Variants in AK5 observed in about 807,000 individuals in gnomAD.
The protein encoded by AK5 is adenylate kinase isoenzyme 5.
AK5 carries 27 observed loss-of-function variants against 69.5 expected under a neutral mutation model. The observed-to-expected ratio is 0.39, with a 90% CI of 0.29 to 0.54. The LOEUF is 0.54. AK5 is among the 20% of genes least tolerant of loss of function. The pLI is 0.71. For missense variants in AK5, 531 were observed against 700.4 expected, an observed-to-expected ratio of 0.76 and a Z score of 2.73; for synonymous variants, 260 against 244.4, an observed-to-expected ratio of 1.06 and a Z score of -0.60.
chr1:77,399,817 A>T (rs1479295978), intron 6 of AK5, among the ~76,000 whole-genome samples: 2 of 152,204 alleles, frequency 1.3e-5, no homozygotes, highest in African/African-American at 4.8e-5. Flanking sequence ...ATTTGCAAAG[A>T]GGTTTAGAAG....
intron 8 of AK5, among the ~76,000 whole-genome samples, chr1:77,458,818 C>T (rs888291776): frequency 6.6e-6 from 1 of 152,192 alleles, no homozygotes; most frequent in Non-Finnish European, 1.5e-5. Flanking sequence ...GTAACATATT[C>T]ACAGCTTCTG....
chr1:77,543,962 T>A (rs1460877877), intron 13 of AK5, among the ~76,000 whole-genome samples: 3 of 152,064 alleles, frequency 2.0e-5, no homozygotes, highest in Non-Finnish European at 2.9e-5. Flanking sequence ...CATGCATCAT[T>A]TAACAGTAAG....
intron 10 of AK5, among the ~76,000 whole-genome samples, chr1:77,496,152 A>G (rs11162356): frequency 0.58 from 87,505 of 152,026 alleles, 26,267 homozygotes; most frequent in Non-Finnish European, 0.67. Context: ...AGAGGAAGTC[A>G]GAGCTGAGTC....
At chr1:77,391,102 C>T (rs910035542) in intron 6 of AK5, among the ~76,000 whole-genome samples, 13 of 151,884 alleles carry the variant, frequency 8.6e-5, no homozygotes, top group Admixed American at 3.3e-4. Context: ...TGTCATTGAG[C>T]GAAGGGAAAA....
At chr1:77,424,449 G>A (rs550732364) in intron 8 of AK5, among the ~76,000 whole-genome samples, 89 of 151,720 alleles carry the variant, frequency 5.9e-4, no homozygotes, top group African/African-American at 1.9e-3. Flanking sequence ...GTGTAGATGA[G>A]TCATGCTGTG....
In AK5 at chr1:77,559,359, G is replaced by T. The variant is rs1287146661; in HGVS notation, c.*689G>T. 2 of 152,112 alleles carry T rather than the reference G, an allele frequency of 1.3e-5. No homozygotes were observed. The highest frequency in any genetic ancestry group is 2.9e-5 in the Non-Finnish European group (2 of 68,038). 9.4% of individuals were successfully genotyped at this position (152,112 alleles called of 1,614,324 possible). On this transcript the variant is annotated 3_prime_UTR_variant, in exon 14 of 14. Transcript: ENST00000354567. ...TTATTTTTTAGAAACTTGGAATACT[G>T]TCGTCATGGCTAAGAGAACAAATCT... is the stretch of plus-strand genomic sequence containing the variant.
At chr1:77,396,444 T>C (rs1195747775) in intron 6 of AK5, among the ~76,000 whole-genome samples, 3 of 152,244 alleles carry the variant, frequency 2.0e-5, no homozygotes, top group Non-Finnish European at 4.4e-5. Flanking sequence ...GTTTTCATTC[T>C]GTAATTATTT....
chr1:77,335,987 G>A (rs1869467), intron 5 of AK5, among the ~76,000 whole-genome samples: 94,201 of 151,746 alleles, frequency 0.62, 29,544 homozygotes, highest in Middle Eastern at 0.74. Context: ...ATCTTATGAG[G>A]GCACCAATCT....
chr1:77,377,392 A>T (rs531744548), intron 6 of AK5, among the ~76,000 whole-genome samples: 51 of 152,060 alleles, frequency 3.4e-4, no homozygotes, highest in Middle Eastern at 3.4e-3. Flanking sequence ...ACCCTCTCTC[A>T]CTTAGGCCCA....
intron 10 of AK5, among the ~76,000 whole-genome samples, chr1:77,515,414 C>A (rs7514937): frequency 0.38 from 57,467 of 152,046 alleles, 11,299 homozygotes; most frequent in Middle Eastern, 0.51. Context: ...CCAGGAAAAC[C>A]GCAGAATGAG....
chr1:77,510,645 G>A (rs577768697), intron 10 of AK5, among the ~76,000 whole-genome samples: 3 of 152,234 alleles, frequency 2.0e-5, no homozygotes, highest in Non-Finnish European at 4.4e-5. Context: ...GATGCCAACC[G>A]AGAGAAATAT....
intron 7 of AK5, among the ~76,000 whole-genome samples, chr1:77,413,482 C>T (rs1303874436): frequency 1.3e-5 from 2 of 152,144 alleles, no homozygotes; most frequent in African/African-American, 4.8e-5. Flanking sequence ...TTGCTCTGAT[C>T]GTCTGCTTCT....
chr1:77,333,545 C>CCTTAAATCT (rs1553134069), intron 5 of AK5, among the ~76,000 whole-genome samples: 1 of 122,332 alleles, frequency 8.2e-6, no homozygotes, highest in Non-Finnish European at 1.8e-5. Flanking sequence ...TTTTAAATCT[C>CCTTAAATCT]CCCCCCACCA....
intron 4 of AK5, 42 bp downstream of exon 4, chr1:77,297,770 A>T (rs112802310): frequency 8.1e-6 from 13 of 1,605,010 alleles, no homozygotes; most frequent in Non-Finnish European, 1.1e-5. Flanking sequence ...AAATGTTTTC[A>T]TACCGATTGA....
At chr1:77,395,556 G>A (rs554271404) in intron 6 of AK5, among the ~76,000 whole-genome samples, 1 of 152,350 alleles carries the variant, frequency 6.6e-6, no homozygotes, top group African/African-American at 2.4e-5. Context: ...AGAAGCAGAT[G>A]TGGCTTGAGG....
intron 8 of AK5, 109 bp from the exon 9 acceptor site, chr1:77,483,208 G>T: frequency 1.3e-6 from 1 of 759,882 alleles, no homozygotes; most frequent in Non-Finnish European, 2.4e-6. Context: ...ATTGTTTGGA[G>T]GTGCCTCCCT....
chr1:77,330,119 C>T (rs1478273528), intron 5 of AK5, among the ~76,000 whole-genome samples: 1 of 152,154 alleles, frequency 6.6e-6, no homozygotes, highest in Non-Finnish European at 1.5e-5. Context: ...CTATTTTCTC[C>T]TCAAAAATGA....
intron 8 of AK5, among the ~76,000 whole-genome samples, chr1:77,446,240 A>G (rs1402502625): frequency 1.3e-5 from 2 of 152,070 alleles, no homozygotes; most frequent in Non-Finnish European, 2.9e-5. Flanking sequence ...GGTTGACCAT[A>G]TATGTTTGCA....
chr1:77,297,451 C>A, intron 3 of AK5, 108 bp from the exon 4 acceptor site: 1 of 1,022,814 alleles, frequency 9.8e-7, no homozygotes, highest in Non-Finnish European at 1.4e-6. Context: ...CTGTTAACCA[C>A]CCTGTCTTGG....
Sources: allele counts gnomAD v4.1 joint callset (sites outside exome capture counted in the v4.1 genomes callset), GRCh38; gene constraint gnomAD v4.1.1; transcripts MANE v1.5; gene names NCBI Gene and HGNC (gene_info 2026-07-23, HGNC 2026-07-21).